Variants in FHIT observed in about 807,000 individuals in gnomAD.
FHIT encodes the protein bis(5'-adenosyl)-triphosphatase.
FHIT carries 19 observed loss-of-function variants against 17.9 expected under a neutral mutation model. That is an observed-to-expected ratio of 1.06 (90% CI 0.74 to 1.56). FHIT has a LOEUF of 1.56. Ranked by LOEUF, FHIT falls within the 40% of genes most tolerant of loss-of-function variation. The pLI, the probability that FHIT is intolerant of heterozygous loss-of-function variation, is 0.00. For missense variants in FHIT, 248 were observed against 189.2 expected, an observed-to-expected ratio of 1.31 and a Z score of -1.82; for synonymous variants, 81 against 69.7, an observed-to-expected ratio of 1.16 and a Z score of -0.81.
intron 3 of FHIT, among the ~76,000 whole-genome samples, chr3:60,831,299 GTTC>G (rs1221925889): frequency 2.0e-5 from 3 of 152,126 alleles, no homozygotes; most frequent in East Asian, 3.8e-4. Context: ...AAATGTGAGA[GTTC>G]TTCTCATGGT....
chr3:61,137,686 C>T (rs1576084312), intron 2 of FHIT, among the ~76,000 whole-genome samples: 1 of 152,184 alleles, frequency 6.6e-6, no homozygotes, highest in South Asian at 2.1e-4. Flanking sequence ...ATTGAAACTG[C>T]TTTGAGCACA....
At chr3:61,212,189 C>T (rs909848480) in intron 1 of FHIT, among the ~76,000 whole-genome samples, 10 of 152,136 alleles carry the variant, frequency 6.6e-5, no homozygotes, top group East Asian at 3.9e-4. Context: ...AGGCTTCAGA[C>T]GATCAAACTA....
At chr3:60,665,620 T>C (rs2040363397) in intron 4 of FHIT, among the ~76,000 whole-genome samples, 2 of 152,060 alleles carry the variant, frequency 1.3e-5, no homozygotes, top group Admixed American at 1.3e-4. Context: ...AATATTTGTA[T>C]GATATATGTT....
intron 3 of FHIT, among the ~76,000 whole-genome samples, chr3:60,965,592 G>C (rs1212193533): frequency 6.6e-6 from 1 of 152,158 alleles, no homozygotes; most frequent in Non-Finnish European, 1.5e-5. Flanking sequence ...GGTCTTTGAT[G>C]ATGGTGACGT....
At chr3:59,900,846 T>A (rs1410491112) in intron 8 of FHIT, among the ~76,000 whole-genome samples, 10 of 152,126 alleles carry the variant, frequency 6.6e-5, no homozygotes, top group Admixed American at 6.5e-4. Context: ...ACTCCTGACC[T>A]CAAAGGACCC....
intron 5 of FHIT, among the ~76,000 whole-genome samples, chr3:60,515,720 G>C (rs9825234): frequency 0.35 from 52,650 of 151,980 alleles, 9,406 homozygotes; most frequent in Admixed American, 0.43. Context: ...GCTTCATATG[G>C]ACGAGAGAGA....
intron 3 of FHIT, among the ~76,000 whole-genome samples, chr3:60,856,151 C>T (rs1445231333): frequency 6.6e-6 from 1 of 152,060 alleles, no homozygotes; most frequent in African/African-American, 2.4e-5. Context: ...CAGAGGCCAT[C>T]AACCAAAATG....
At chr3:59,870,810 T>C (rs1702882454) in intron 8 of FHIT, among the ~76,000 whole-genome samples, 1 of 152,108 alleles carries the variant, frequency 6.6e-6, no homozygotes, top group African/African-American at 2.4e-5. Context: ...ATAGGCACAT[T>C]TGCATCCTCT....
chr3:60,820,040 G>T (rs1237752699), intron 4 of FHIT, among the ~76,000 whole-genome samples: 3 of 152,038 alleles, frequency 2.0e-5, no homozygotes, highest in African/African-American at 7.2e-5. Context: ...GGGAGTGATG[G>T]CTCACACCTG....
chr3:59,862,850 C>G (rs1331674437), intron 8 of FHIT, among the ~76,000 whole-genome samples: 1 of 149,916 alleles, frequency 6.7e-6, no homozygotes, highest in Non-Finnish European at 1.5e-5. Context: ...AGCAAAGGAG[C>G]CTGGGTACTT....
At chr3:60,678,977 C>CA (rs200938453) in intron 4 of FHIT, among the ~76,000 whole-genome samples, 43 of 139,084 alleles carry the variant, frequency 3.1e-4, no homozygotes, top group Admixed American at 5.0e-4. Context: ...AAAAAACAAG[C>CA]AAAAAAAAAA....
intron 4 of FHIT, among the ~76,000 whole-genome samples, chr3:60,757,719 A>G (rs1553718672): frequency 6.6e-6 from 1 of 152,220 alleles, no homozygotes; most frequent in African/African-American, 2.4e-5. Flanking sequence ...GTATACCACT[A>G]GAGTGCGTTT....
chr3:60,048,744 T>C (rs1195012110), intron 5 of FHIT, among the ~76,000 whole-genome samples: 1 of 152,174 alleles, frequency 6.6e-6, no homozygotes, highest in Non-Finnish European at 1.5e-5. Context: ...ATCAGAAGAG[T>C]GAAAGGCTTT....
intron 4 of FHIT, among the ~76,000 whole-genome samples, chr3:60,580,634 T>C (rs1435371709): frequency 2.6e-5 from 4 of 152,110 alleles, no homozygotes; most frequent in African/African-American, 9.7e-5. Context: ...TATAAAATAA[T>C]GTACAGCATC....
chr3:60,804,750 A>C (rs558743837), intron 4 of FHIT, among the ~76,000 whole-genome samples: 48 of 152,288 alleles, frequency 3.2e-4, no homozygotes, highest in African/African-American at 1.2e-3. Context: ...TTTGTTTACC[A>C]TTCTTTCTCC....
chr3:60,020,549 T>TA (rs1346051866), intron 5 of FHIT, among the ~76,000 whole-genome samples: 4 of 152,198 alleles, frequency 2.6e-5, no homozygotes, highest in African/African-American at 9.7e-5. Context: ...AACACAGAAT[T>TA]AATCATTCTT....
At chr3:59,970,032 T>A (rs1157305820) in intron 7 of FHIT, among the ~76,000 whole-genome samples, 3 of 152,100 alleles carry the variant, frequency 2.0e-5, no homozygotes. Context: ...ATCATTTTGC[T>A]GGGTAGGGAA....
chr3:59,890,511 G>A (rs892050134), intron 8 of FHIT, among the ~76,000 whole-genome samples: 1 of 152,136 alleles, frequency 6.6e-6, no homozygotes, highest in East Asian at 1.9e-4. Context: ...TCCTGTTGGG[G>A]AAGTTCTGAA....
chr3:61,212,749 A>G (rs2039525876), intron 1 of FHIT, among the ~76,000 whole-genome samples: 1 of 152,258 alleles, frequency 6.6e-6, no homozygotes, highest in African/African-American at 2.4e-5. Flanking sequence ...GGGCAGCCAG[A>G]CAGAAAGGTC....
Sources: allele counts gnomAD v4.1 joint callset (sites outside exome capture counted in the v4.1 genomes callset), GRCh38; gene constraint gnomAD v4.1.1; transcripts MANE v1.5; gene names NCBI Gene and HGNC (gene_info 2026-07-23, HGNC 2026-07-21).